Variants in FSTL4 observed in about 807,000 individuals in gnomAD.
The protein encoded by FSTL4 is follistatin like 4.
In FSTL4, 28 loss-of-function variants were observed where a neutral mutation model predicts 78.2. The observed-to-expected ratio is 0.36, with a 90% CI of 0.27 to 0.49. The LOEUF is 0.49. FSTL4 is among the 20% of genes least tolerant of loss of function. The pLI is 0.98. For synonymous variants in FSTL4, 422 were observed against 440.5 expected (o/e 0.96, Z 0.53); for missense variants, 922 against 1,084.9 (o/e 0.85, Z 2.11).
At chr5:133,828,588 A>G in the FSTL4 span, among the ~76,000 whole-genome samples, 5 of 152,186 alleles carry the variant, frequency 3.3e-5, no homozygotes, top group African/African-American at 1.2e-4. Context: ...AATTCTAGAG[A>G]AAACCCAGTC....
chr5:133,501,021 T>C (rs545984284), intron 3 of FSTL4, among the ~76,000 whole-genome samples: 17 of 152,144 alleles, frequency 1.1e-4, no homozygotes, highest in African/African-American at 4.1e-4. Flanking sequence ...AAAGGGAGAC[T>C]CTAAGTGCCG....
chr5:133,672,344 G>A, the FSTL4 span, among the ~76,000 whole-genome samples: 1 of 152,210 alleles, frequency 6.6e-6, no homozygotes, highest in Non-Finnish European at 1.5e-5. Flanking sequence ...ACAGCCCCCA[G>A]CCACCTCATG....
rs148200836 is a variant in FSTL4, at chr5:133,276,109, T to C, written c.728-26533A>G. On this transcript the variant is annotated intron_variant, in intron 6 of 15. Transcript: ENST00000265342. ...TATTTAAGTAACATTATACTAAATA[T>C]AACTCAAGTCAACAGAGAGCAATCA... 13 of 152,376 alleles carry C rather than the reference T, an allele frequency of 8.5e-5. No individual in the cohort carries two copies. The East Asian group carries it at 2.5e-3, about 29-fold the overall frequency. The allele number at this position is 152,376 out of a possible 1,614,324, so 9.4% of individuals were successfully genotyped here.
At chr5:133,637,474 G>A in the FSTL4 span, among the ~76,000 whole-genome samples, 1 of 152,112 alleles carries the variant, frequency 6.6e-6, no homozygotes, top group African/African-American at 2.4e-5. Flanking sequence ...ATAGAAAAAT[G>A]TCCCTGTGCT....
At chr5:133,535,338 C>G (rs902550216) in intron 3 of FSTL4, among the ~76,000 whole-genome samples, 21 of 152,176 alleles carry the variant, frequency 1.4e-4, no homozygotes, top group Non-Finnish European at 5.9e-5. Context: ...ATGGCCATAA[C>G]GCCCAAGCTG....
At chr5:133,730,869 A>T in the FSTL4 span, among the ~76,000 whole-genome samples, 1 of 152,248 alleles carries the variant, frequency 6.6e-6, no homozygotes, top group Non-Finnish European at 1.5e-5. Context: ...AACAAAAAAG[A>T]GTGAGAAATA....
In FSTL4 at chr5:133,338,866, T is replaced by C. The variant is rs10035483; in HGVS notation, c.410-22214A>G. Reference sequence around the variant, plus strand: ...AGGTCATTTCTACCACTGTGTCTCTTAGGGTGCCAGTTTCCCACCACTCCT... The same window carrying C: ...AGGTCATTTCTACCACTGTGTCTCTCAGGGTGCCAGTTTCCCACCACTCCT... On this transcript the variant is annotated intron_variant, in intron 4 of 15. Coordinates refer to ENST00000265342, the MANE Select transcript of FSTL4 (RefSeq NM_015082.2). This position sits in a 1 kb window ranked among gnomAD's most constrained non-coding sequence, Gnocchi z 4.0. Among the ~76,000 whole-genome samples the C allele has an allele frequency of 0.47, 70,810 of 151,818 alleles. 19,140 individuals are homozygous for C. The highest frequency in any genetic ancestry group is 0.76 in the African/African-American group (31,350 of 41,384).
the FSTL4 span, among the ~76,000 whole-genome samples, chr5:133,747,574 C>G: frequency 1.2e-4 from 18 of 152,096 alleles, no homozygotes; most frequent in South Asian, 3.7e-3. Flanking sequence ...CATGAGGCTC[C>G]CAAAGTCTAT....
At chr5:133,501,225 G>A (rs1353489691) in intron 3 of FSTL4, among the ~76,000 whole-genome samples, 4 of 151,622 alleles carry the variant, frequency 2.6e-5, no homozygotes, top group African/African-American at 9.7e-5. Context: ...AAAACCATGT[G>A]AGAGAAAATG....
chr5:133,834,913 G>T, the FSTL4 span, among the ~76,000 whole-genome samples: 1 of 151,910 alleles, frequency 6.6e-6, no homozygotes, highest in Non-Finnish European at 1.5e-5. Flanking sequence ...AGTGATTTGT[G>T]GGGTAGGGTT....
chr5:133,795,623 G>A, the FSTL4 span, among the ~76,000 whole-genome samples: 1 of 51,238 alleles, frequency 2.0e-5, no homozygotes, highest in African/African-American at 3.5e-5. Flanking sequence ...AGAATGGGAC[G>A]TTTTCCAGGA....
chr5:133,669,371 C>T, the FSTL4 span, among the ~76,000 whole-genome samples: 1 of 152,244 alleles, frequency 6.6e-6, no homozygotes, highest in African/African-American at 2.4e-5. Flanking sequence ...GGCTCATCCT[C>T]CCTGAGCACT....
chr5:133,304,932 G>A (rs1003414114), intron 6 of FSTL4, among the ~76,000 whole-genome samples: 3 of 152,210 alleles, frequency 2.0e-5, no homozygotes, highest in Admixed American at 6.5e-5. Context: ...TCAGACACTT[G>A]CCAAGGGGCT....
intron 6 of FSTL4, among the ~76,000 whole-genome samples, chr5:133,269,152 T>G (rs1231694260): frequency 7.3e-5 from 9 of 124,096 alleles, no homozygotes. Flanking sequence ...ACTGCACCAC[T>G]CCAGCCTGGG....
chr5:133,434,807 T>C (rs751854851), intron 3 of FSTL4, among the ~76,000 whole-genome samples: 1 of 144,548 alleles, frequency 6.9e-6, no homozygotes, highest in African/African-American at 2.5e-5. Context: ...GCTGATTTCA[T>C]GGCCAAAAAT....
At chr5:133,267,416 C>A (rs920719015) in intron 6 of FSTL4, among the ~76,000 whole-genome samples, 1 of 152,176 alleles carries the variant, frequency 6.6e-6, no homozygotes, top group African/African-American at 2.4e-5. Flanking sequence ...ACGCTCATAT[C>A]CACAGCCGCA....
chr5:133,583,155 G>C, intron 2 of FSTL4: 1 of 422,094 alleles, frequency 2.4e-6, no homozygotes. Context: ...GGAAGAGTCA[G>C]CAAACACCAG....
At chr5:133,761,996 T>C in the FSTL4 span, among the ~76,000 whole-genome samples, 1 of 152,316 alleles carries the variant, frequency 6.6e-6, no homozygotes, top group South Asian at 2.1e-4. Context: ...GGAAGCCTGT[T>C]TGTTTGGCTT....
chr5:133,402,298 G>A (rs1173133587), intron 3 of FSTL4, among the ~76,000 whole-genome samples: 2 of 152,210 alleles, frequency 1.3e-5, no homozygotes, highest in Non-Finnish European at 2.9e-5. Flanking sequence ...GCACGTTTAA[G>A]TGAAAGGCGA....
Sources: gnomAD v4.1 joint callset for allele counts (sites outside exome capture counted in the v4.1 genomes callset) on GRCh38, gnomAD v4.1.1 for gene constraint, Gnocchi (gnomAD v3.1) non-coding constraint, MANE v1.5 for transcripts, NCBI Gene and HGNC (gene_info 2026-07-23, HGNC 2026-07-21) for gene names.